Variants in CPS1 observed in about 807,000 individuals in gnomAD.
CPS1 encodes the protein carbamoyl-phosphate synthase 1.
In CPS1, 109 loss-of-function variants were observed where a neutral mutation model predicts 174.6. The ratio of observed to expected loss-of-function variants is 0.62; its 90% confidence interval spans 0.53 to 0.73. The LOEUF (loss-of-function observed/expected upper bound fraction) is 0.73, where lower values mean the gene tolerates loss of function less well. Among genes scored for constraint, CPS1 ranks in the 30% least tolerant of loss-of-function variants. The pLI, the probability that CPS1 is intolerant of heterozygous loss-of-function variation, is 0.00. For synonymous variants in CPS1, 637 were observed against 632.0 expected (o/e 1.01, Z -0.12); for missense variants, 1,689 against 1,821.9 (o/e 0.93, Z 1.33).
intron 4 of CPS1, among the ~76,000 whole-genome samples, chr2:210,579,126 T>TA (rs1398932505): frequency 9.9e-5 from 15 of 152,180 alleles, no homozygotes; most frequent in Admixed American, 9.2e-4. Context: ...AACCTCTTTT[T>TA]AAAAAAATCT....
rs114245218 is a variant in CPS1 at position 210,577,751 on chromosome 2, C to T, written c.471+241C>T. On this transcript the variant is annotated intron_variant, in intron 4 of 37. Transcript: ENST00000233072. ...CTCATACATGCTTGGTAGCACTTCA[C>T]ATTTGGGAAGGGAGGGGTAAGATAA... Among the ~76,000 whole-genome samples, 1,306 of 152,234 alleles carry T rather than the reference C, an allele frequency of 8.6e-3. 12 individuals carry two copies. The highest frequency in any genetic ancestry group is 0.014 in the Non-Finnish European group (941 of 68,002).
chr2:210,592,356 CTT>C (rs1438420043), intron 10 of CPS1, among the ~76,000 whole-genome samples: 1 of 151,976 alleles, frequency 6.6e-6, no homozygotes, highest in African/African-American at 2.4e-5. Context: ...ATTTCTCTCT[CTT>C]ATTCTCTCAT....
At chr2:210,564,572 T>C (rs1398679840) in intron 1 of CPS1, among the ~76,000 whole-genome samples, 1 of 151,904 alleles carries the variant, frequency 6.6e-6, no homozygotes, top group Admixed American at 6.5e-5. Flanking sequence ...GAGACGGGGT[T>C]TCACCGTGTT....
intron 1 of CPS1, among the ~76,000 whole-genome samples, chr2:210,495,530 C>T (rs189092811): frequency 1.9e-4 from 29 of 152,226 alleles, no homozygotes; most frequent in Admixed American, 5.9e-4. Flanking sequence ...CCACTCTGTC[C>T]CCAGCTTTTC....
At chr2:210,498,342 AGTT>A (rs1177747739) in intron 1 of CPS1, among the ~76,000 whole-genome samples, 1 of 151,966 alleles carries the variant, frequency 6.6e-6, no homozygotes, top group African/African-American at 2.4e-5. Flanking sequence ...GTTTTGTAGT[AGTT>A]CTCCTTGTAG....
At chr2:210,650,573 T>A in intron 28 of CPS1, 135 bp downstream of exon 28, 1 of 748,846 alleles carries the variant, frequency 1.3e-6, no homozygotes, top group South Asian at 1.5e-5. Flanking sequence ...CACAATGTGT[T>A]AGAATGAGTT....
At chr2:210,583,857 T>C (rs1363083552) in intron 6 of CPS1, among the ~76,000 whole-genome samples, 3 of 152,092 alleles carry the variant, frequency 2.0e-5, no homozygotes, top group African/African-American at 7.2e-5. Context: ...ACTAGAAGGT[T>C]ATTGTAACTT....
chr2:210,629,320 T>C (rs1415418538), intron 21 of CPS1, among the ~76,000 whole-genome samples: 1 of 152,188 alleles, frequency 6.6e-6, no homozygotes. Flanking sequence ...ATCCTTTTTT[T>C]TTCTTTTTTT....
rs906495305 is a variant in CPS1 at position 210,587,981 on chromosome 2, G to A, written c.622-77G>A. 14 of 1,224,220 alleles carry A rather than the reference G, an allele frequency of 1.1e-5. 1 individual carries two copies. Among genetic ancestry groups the A allele is most frequent in the African/African-American group, 1.0e-4 (7 of 67,270 alleles). 75.8% of individuals were successfully genotyped at this position (1,224,220 alleles called of 1,614,324 possible). ...GTTACCAATCTAAGTTCAAAACATT[G>A]TCAGATGTGTTTATGATTTTGGTCT... On this transcript the variant is annotated intron_variant, in intron 6 of 37. Transcript: ENST00000233072.
At chr2:210,643,292 T>C (rs1443596364) in intron 25 of CPS1, among the ~76,000 whole-genome samples, 9 of 152,200 alleles carry the variant, frequency 5.9e-5, no homozygotes, top group Admixed American at 5.9e-4. Flanking sequence ...CAGATTACTA[T>C]AAGACTGTAG....
At chr2:210,637,265 C>G (rs7601962) in intron 21 of CPS1, among the ~76,000 whole-genome samples, 1 of 151,982 alleles carries the variant, frequency 6.6e-6, no homozygotes, top group Admixed American at 6.6e-5. Context: ...TAAAGTAGAG[C>G]GAGAAGCCAC....
intron 21 of CPS1, 37 bp downstream of exon 21, chr2:210,616,578 T>A (rs1420171147): frequency 1.6e-6 from 2 of 1,222,260 alleles, no homozygotes; most frequent in Non-Finnish European, 2.4e-6. Context: ...CCAGACACCT[T>A]CAGTGCAATT....
chr2:210,575,727 A>G (rs928898860), intron 2 of CPS1, among the ~76,000 whole-genome samples: 7 of 152,068 alleles, frequency 4.6e-5, no homozygotes, highest in African/African-American at 1.7e-4. Context: ...TCAAACTTAT[A>G]TGCTTCTTTC....
At position 210,582,706 on chromosome 2, in the gene CPS1, C is replaced by T. The variant is rs1697965317; in HGVS notation, c.618C>T (p.Thr206=). The change falls in exon 6 of 38, where the codon ACC becomes ACT. Residue 206 remains threonine, a synonymous_variant. Transcript: ENST00000233072. ...NKQNLIAEVS[T]KDVKVYGKGN... Reference sequence around the variant, plus strand: ...AGAATTTGATTGCTGAGGTTTCAACCAAGGTGAGGGGTTTTCCTTTATATT... The same window carrying T: ...AGAATTTGATTGCTGAGGTTTCAACTAAGGTGAGGGGTTTTCCTTTATATT... 3 of 1,607,298 alleles carry T rather than the reference C, an allele frequency of 1.9e-6. No individual in the cohort carries two copies. The highest frequency in any genetic ancestry group is 2.6e-6 in the Non-Finnish European group (3 of 1,174,050).
At chr2:210,579,347 A>G (rs917559593) in intron 4 of CPS1, among the ~76,000 whole-genome samples, 1 of 152,140 alleles carries the variant, frequency 6.6e-6, no homozygotes, top group African/African-American at 2.4e-5. Context: ...TTGAGTGCCT[A>G]CTCTGTGCCA....
chr2:210,478,180 G>T (rs1694455415), intron 1 of CPS1, among the ~76,000 whole-genome samples: 1 of 152,176 alleles, frequency 6.6e-6, no homozygotes, highest in Non-Finnish European at 1.5e-5. Flanking sequence ...TTCCAAAACT[G>T]CTGGACTAGT....
At chr2:210,596,241 C>A (rs894310942) in intron 13 of CPS1, among the ~76,000 whole-genome samples, 3 of 151,854 alleles carry the variant, frequency 2.0e-5, no homozygotes, top group Admixed American at 6.6e-5. Context: ...TAGAAAAATT[C>A]CGTTGTATAT....
intron 33 of CPS1, among the ~76,000 whole-genome samples, chr2:210,667,719 A>C (rs1263323618): frequency 6.6e-6 from 1 of 152,194 alleles, no homozygotes; most frequent in East Asian, 1.9e-4. Context: ...CCAATTCAGC[A>C]GTTACGCATT....
intron 1 of CPS1, among the ~76,000 whole-genome samples, chr2:210,543,368 C>T (rs1170754576): frequency 6.6e-6 from 1 of 151,988 alleles, no homozygotes; most frequent in Non-Finnish European, 1.5e-5. Context: ...CCTTTCAGAT[C>T]TCTCCTGATA....
Sources: allele counts gnomAD v4.1 joint callset (sites outside exome capture counted in the v4.1 genomes callset), GRCh38; gene constraint gnomAD v4.1.1; transcripts MANE v1.5; gene names NCBI Gene and HGNC (gene_info 2026-07-23, HGNC 2026-07-21).